The following PKD1 variants were observed in gnomAD, a reference collection of about 807,000 sequenced individuals.
PKD1 encodes polycystin-1.
Under a neutral mutation model 361.7 loss-of-function variants are expected in PKD1, and 81 were observed. The observed-to-expected ratio is 0.22, with a 90% CI of 0.19 to 0.27. The LOEUF (loss-of-function observed/expected upper bound fraction) is 0.27, where lower values mean the gene tolerates loss of function less well. PKD1 is among the 10% of genes least tolerant of loss of function. The probability of loss-of-function intolerance (pLI) is 1.00; values close to 1 mark genes in which losing one functional copy is unlikely to be tolerated. For missense variants in PKD1, 6,399 were observed against 6,118.3 expected (o/e 1.05, Z -1.53); for synonymous variants, 3,615 against 2,818.3 (o/e 1.28, Z -8.95).
In PKD1 at chr16:2,089,013, G is replaced by T; in HGVS notation, c.*714C>A. On this transcript the variant is annotated 3_prime_UTR_variant, in exon 46 of 46. Transcript: ENST00000262304. ...ACTTGCCCAGACCTGATGCCAGCAG[G>T]CCTGGGCGCTGCTCTCTTGCTACCT... is the stretch of plus-strand genomic sequence containing the variant. 1 of 226,342 alleles carries T rather than the reference G, an allele frequency of 4.4e-6. No homozygotes were observed. Among genetic ancestry groups the T allele is most frequent in the Non-Finnish European group, 8.9e-6 (1 of 112,732 alleles). 14.0% of individuals were successfully genotyped at this position (226,342 alleles called of 1,614,324 possible).
In PKD1 at chr16:2,135,743, A is replaced by T. The variant is rs1333125240; in HGVS notation, c.-54T>A. The T allele has an allele frequency of 3.1e-6, 3 of 963,706 alleles. No individual in the cohort carries two copies. In the African/African-American group the frequency reaches 5.3e-5, roughly 17 times the overall value. 59.7% of individuals were successfully genotyped at this position (963,706 alleles called of 1,614,324 possible). On this transcript the variant is annotated 5_prime_UTR_variant, in exon 1 of 46. Coordinates refer to ENST00000262304, the MANE Select transcript of PKD1 (RefSeq NM_001009944.3). ...CGTCCCCAGGCCCGCCCGCGCGCGG[A>T]GGCCGCAGCTCAGGCGGGGCCCGCG...
intron 15 of PKD1, 101 bp from the exon 16 acceptor site, chr16:2,108,133 T>C: frequency 3.2e-5 from 47 of 1,480,976 alleles, no homozygotes; most frequent in Non-Finnish European, 4.1e-5. Context: ...CTCCCCATGC[T>C]GGGACGGGGC....
intron 1 of PKD1, among the ~76,000 whole-genome samples, chr16:2,127,695 C>G (rs1206663453): frequency 2.0e-5 from 3 of 151,262 alleles, no homozygotes; most frequent in Non-Finnish European, 4.4e-5. Flanking sequence ...GCTACACTGC[C>G]CTGCAGGGTG....
At chr16:2,112,628 C>G (rs1426081277) in intron 13 of PKD1, 155 bp from the exon 14 acceptor site, 2 of 1,023,812 alleles carry the variant, frequency 2.0e-6, no homozygotes, top group Non-Finnish European at 2.9e-6. Context: ...TCTCCCGGCT[C>G]CCGTGCAGCC....
Position 2,097,145 on chromosome 16 carries a change from C to T in PKD1, c.10499+3G>A. The T allele has an allele frequency of 6.5e-7, 1 of 1,547,974 alleles. No individual in the cohort carries two copies. The highest frequency in any genetic ancestry group is 8.7e-7 in the Non-Finnish European group (1 of 1,145,496). On this transcript the variant is annotated splice_donor_region_variant and intron_variant, in intron 34 of 45. Coordinates refer to ENST00000262304, the MANE Select transcript of PKD1 (RefSeq NM_001009944.3). ...CCCCCTCCCCCGAGAGCCGGACACTCACAGGCTGCTGAGCAGGTCCGTTTC... is the reference window on the plus strand; with the variant it reads ...CCCCCTCCCCCGAGAGCCGGACACTTACAGGCTGCTGAGCAGGTCCGTTTC...
At chr16:2,105,701 G>T in intron 20 of PKD1, 164 bp downstream of exon 20, 1 of 1,297,788 alleles carries the variant, frequency 7.7e-7, no homozygotes, top group Non-Finnish European at 1.1e-6. Context: ...GGGCCCGGTG[G>T]GTGTGGCTGC....
Position 2,109,170 on chromosome 16 carries a change from G to A in PKD1, c.5997C>T (p.Gly1999=), listed in dbSNP as rs760625635. 2.5e-6 allele frequency: 4 copies of A among 1,600,266 alleles called. No individual in the cohort carries two copies. The highest frequency in any genetic ancestry group is 1.1e-5 in the South Asian group (1 of 90,886). Residue 1999 remains glycine (G), a synonymous_variant, in exon 15 of 46, where the codon GGC becomes GGT. Coordinates refer to ENST00000262304, the MANE Select transcript of PKD1 (RefSeq NM_001009944.3). ...ERNFTARVQR[G]SRVAYAWYFS... ...AGTACCAGGCGTAGGCGACCCGAGA[G>A]CCGCGCTGCACGCGGGCTGTGAAGT...
rs1425693814 is a variant in PKD1 at position 2,091,114 on chromosome 16, C to T, written c.11773G>A (p.Glu3925Lys). The T allele has an allele frequency of 2.7e-6, 4 of 1,493,138 alleles. No homozygotes were observed. The highest frequency in any genetic ancestry group is 3.5e-6 in the Non-Finnish European group (4 of 1,127,842). 92.5% of individuals were successfully genotyped at this position (1,493,138 alleles called of 1,614,324 possible). The change falls in exon 43 of 46, where the codon GAA (glutamate) becomes AAA (lysine). Residue 3925 changes from glutamate to lysine, a missense_variant. Glu to Lys is a moderately conservative substitution (Grantham distance 56). Coordinates refer to ENST00000262304, the MANE Select transcript of PKD1 (RefSeq NM_001009944.3). ...AGCCGCAGCACGCGCCAGCGCCCTT[C>T]CCTGTGCCAAGTACGGGCCTCGGCC... ...AVAEARTWHREGRWRVLRLGA... is the reference protein window; with the variant it reads ...AVAEARTWHRKGRWRVLRLGA...
Position 2,091,166 on chromosome 16 carries a change from C to G in PKD1, c.11721G>C (p.Leu3907=). The change falls in exon 43 of 46, where the codon CTG becomes CTC. Residue 3907 remains leucine (L), a synonymous_variant. Transcript: ENST00000262304. ...CGGCGAAGTGCACGGCGAACAGCAG[C>G]AGGCACACCTGTGGGGGGCGCGGTC... ...LSLPLLTSVC[L]LLFAVHFAVA... 7.1e-7 allele frequency: 1 copy of G among 1,417,814 alleles called. No homozygotes were observed. Among genetic ancestry groups the G allele is most frequent in the East Asian group, 3.3e-5 (1 of 30,020 alleles). 87.8% of individuals were successfully genotyped at this position (1,417,814 alleles called of 1,614,324 possible).
At position 2,106,369 on chromosome 16, in the gene PKD1, C is replaced by T; in HGVS notation, c.7489+29G>A. 1 of 1,595,922 alleles carries T rather than the reference C, an allele frequency of 6.3e-7. No homozygotes were observed. The highest frequency in any genetic ancestry group is 8.5e-7 in the Non-Finnish European group (1 of 1,171,996). ...GACGTCACAGAGTCGGGGGATCCCGCTGCTCCCCCCACGCAGGCCTGCACT... is the reference window on the plus strand; with the variant it reads ...GACGTCACAGAGTCGGGGGATCCCGTTGCTCCCCCCACGCAGGCCTGCACT... On this transcript the variant is annotated intron_variant, in intron 18 of 45. Transcript: ENST00000262304. This position sits in a 1 kb window ranked among gnomAD's most constrained non-coding sequence, Gnocchi z 6.5.
chr16:2,089,031 T>C lies in PKD1; in HGVS notation c.*696A>G, dbSNP rs111786159. The C allele has an allele frequency of 5.9e-5, 12 of 202,316 alleles. No homozygotes were observed. The highest frequency in any genetic ancestry group is 2.3e-4 in the African/African-American group (10 of 42,992). 12.5% of individuals were successfully genotyped at this position (202,316 alleles called of 1,614,324 possible). On this transcript the variant is annotated 3_prime_UTR_variant, in exon 46 of 46. Transcript: ENST00000262304. ...CCAGCAGGCCTGGGCGCTGCTCTCT[T>C]GCTACCTGGCCTGGGGCAAGGGAGG...
chr16:2,094,108 C>A lies in PKD1; in HGVS notation c.10602G>T (p.Ala3534=), dbSNP rs572474052. The A allele has an allele frequency of 3.8e-6, 6 of 1,591,994 alleles. No homozygotes were observed. In the African/African-American group the frequency reaches 8.0e-5, roughly 21 times the overall value. Residue 3534 remains alanine, a synonymous_variant, in exon 35 of 46, where the codon GCG becomes GCT. Coordinates refer to ENST00000262304, the MANE Select transcript of PKD1 (RefSeq NM_001009944.3). ...CAAGCACACCTGTCCTGGACAGCCT[C>A]GCTGCCTGGGGCTGTTCCCAGTTCA... ...PGLNWEQPQA[A]RLSRTGLVEG...
At position 2,094,029 on chromosome 16, in the gene PKD1, C is replaced by G. The variant is rs1300588598; in HGVS notation, c.10619-16G>C. The G allele has an allele frequency of 6.3e-7, 1 of 1,591,664 alleles. No individual in the cohort carries two copies. The highest frequency in any genetic ancestry group is 1.7e-5 in the Admixed American group (1 of 57,354). ...TCCACCAGTCCTGGGGAAGCAGAGACAGACCTGTGAGAGGCAGCTCACAGG... is the reference window on the plus strand; with the variant it reads ...TCCACCAGTCCTGGGGAAGCAGAGAGAGACCTGTGAGAGGCAGCTCACAGG... On this transcript the variant is annotated splice_polypyrimidine_tract_variant and intron_variant, in intron 35 of 45. Coordinates refer to ENST00000262304, the MANE Select transcript of PKD1 (RefSeq NM_001009944.3).
rs544177767 is a variant in PKD1 at position 2,108,553 on chromosome 16, G to A, written c.6614C>T (p.Ala2205Val). The A allele has an allele frequency of 3.1e-6, 5 of 1,599,394 alleles. No individual in the cohort carries two copies. Among genetic ancestry groups the A allele is most frequent in the East Asian group, 2.3e-5 (1 of 44,426 alleles). ...CQRPGRPARV[A>V]LPGVDVSRPR... ...CCGGCTCACGTCCACGCCGGGCAGGGCCACACGCGCTGGGCGCCCCGGCCG... is the reference window on the plus strand; with the variant it reads ...CCGGCTCACGTCCACGCCGGGCAGGACCACACGCGCTGGGCGCCCCGGCCG... The change falls in exon 15 of 46, where the codon GCC becomes GTC. Residue 2205 changes from alanine (A) to valine (V), a missense_variant. Coordinates refer to ENST00000262304, the MANE Select transcript of PKD1 (RefSeq NM_001009944.3).
rs1277688540 is a variant in PKD1, at chr16:2,108,037, A to G, written c.6916-5T>C. 9 of 1,560,544 alleles carry G rather than the reference A, an allele frequency of 5.8e-6. No homozygotes were observed. The highest frequency in any genetic ancestry group is 7.8e-6 in the Non-Finnish European group (9 of 1,154,512). ...CGCACACCCGCCAGCCTCCCTCTGC[A>G]GGCCGAGAACAAGGGGCGACGTGGC... On this transcript the variant is annotated splice_polypyrimidine_tract_variant and splice_region_variant and intron_variant, in intron 15 of 45. Transcript: ENST00000262304.
Position 2,100,463 on chromosome 16 carries a change from G to T in PKD1, c.9501C>A (p.Ile3167=). ...GGCTGTGCGGGGTGGCGATCCGGAA[G>T]ATGTCCAGGCTGTTGCGGTGGAAGG... ...DRAFHRNSLD[I]FRIATPHSLG... is the part of the protein sequence containing the mutation. The change falls in exon 27 of 46, where the codon ATC becomes ATA. Residue 3167 remains isoleucine, a synonymous_variant. Coordinates refer to ENST00000262304, the MANE Select transcript of PKD1 (RefSeq NM_001009944.3). The surrounding 1 kb of genome is among the most constrained non-coding windows in gnomAD (Gnocchi z 4.4). 1 of 1,610,932 alleles carries T rather than the reference G, an allele frequency of 6.2e-7. No individual in the cohort carries two copies. Among genetic ancestry groups the T allele is most frequent in the Non-Finnish European group, 8.5e-7 (1 of 1,179,696 alleles).
rs746952322 is a variant in PKD1, at chr16:2,103,877, G to A, written c.8180C>T (p.Ala2727Val). 10 of 1,597,598 alleles carry A rather than the reference G, an allele frequency of 6.3e-6. No individual in the cohort carries two copies. In the African/African-American group the frequency reaches 1.3e-4, roughly 20 times the overall value. ...CTGTGGTGCCCGCACGTCCGAGCTGGCCAGGTGGATGAGGTCTCCTGCAGA... is the reference window on the plus strand; with the variant it reads ...CTGTGGTGCCCGCACGTCCGAGCTGACCAGGTGGATGAGGTCTCCTGCAGA... ...LNITGDLIHL[A>V]SSDVRAPQPS... The change falls in exon 23 of 46, where the codon GCC becomes GTC. Residue 2727 changes from alanine to valine, a missense_variant. Transcript: ENST00000262304.
chr16:2,090,113 G>T lies in PKD1; in HGVS notation c.12526C>A (p.Pro4176Thr). The change falls in exon 46 of 46, where the codon CCC (proline) becomes ACC (threonine). Residue 4176 changes from proline (P) to threonine (T), a missense_variant. Transcript: ENST00000262304. ...SRGSKVSPDVPPPSAGSDASH... is the reference protein window; with the variant it reads ...SRGSKVSPDVTPPSAGSDASH... Reference sequence around the variant, plus strand: ...GCATCGGAGCCAGCGCTGGGTGGGGGCACATCCGGGGATACCTTGGAGCCC... The same window carrying T: ...GCATCGGAGCCAGCGCTGGGTGGGGTCACATCCGGGGATACCTTGGAGCCC... 6.2e-7 allele frequency: 1 copy of T among 1,602,204 alleles called. No homozygotes were observed. Among genetic ancestry groups the T allele is most frequent in the Non-Finnish European group, 8.5e-7 (1 of 1,173,238 alleles).
Position 2,125,313 on chromosome 16 carries a change from G to A in PKD1, c.216-5935C>T, listed in dbSNP as rs563239090. On this transcript the variant is annotated intron_variant, in intron 1 of 45. Coordinates refer to ENST00000262304, the MANE Select transcript of PKD1 (RefSeq NM_001009944.3). The stretch of plus-strand genomic sequence containing the variant: ...CGGCCACAACCCTGGCCCCACGAGG[G>A]GTGGGGGTGGCAGCCTCTGATACAG... 2.1e-3 allele frequency among the ~76,000 whole-genome samples: 323 copies of A among 152,298 alleles called. 1 individual carries two copies. The highest frequency in any genetic ancestry group is 7.4e-3 in the African/African-American group (308 of 41,566).
Sources: allele counts gnomAD v4.1 joint callset (sites outside exome capture counted in the v4.1 genomes callset), GRCh38; gene constraint gnomAD v4.1.1; non-coding constraint Gnocchi (gnomAD v3.1); transcripts MANE v1.5; gene names NCBI Gene and HGNC (gene_info 2026-07-23, HGNC 2026-07-21).